Variants in CRTC3 observed in about 807,000 individuals in gnomAD.
CRTC3 encodes CREB-regulated transcription coactivator 3.
Under a neutral mutation model 74.5 loss-of-function variants are expected in CRTC3, and 26 were observed. The ratio of observed to expected loss-of-function variants is 0.35; its 90% CI spans 0.26 to 0.48. The LOEUF (loss-of-function observed/expected upper bound fraction) is 0.48, where lower values mean the gene tolerates loss of function less well. CRTC3 is among the 20% of genes least tolerant of loss of function. The pLI is 0.99. For missense variants in CRTC3, 760 were observed against 787.3 expected (o/e 0.97, Z 0.41); for synonymous variants, 377 against 325.8 (o/e 1.16, Z -1.69).
At chr15:90,583,531 AAAAC>A (rs1967590862) in intron 2 of CRTC3, among the ~76,000 whole-genome samples, 2 of 152,216 alleles carry the variant, frequency 1.3e-5, no homozygotes, top group Admixed American at 1.3e-4. Flanking sequence ...CTCCAGGTTA[AAAAC>A]AAACAAAAAA....
chr15:90,539,632 G>T (rs1215149252), intron 1 of CRTC3: 1 of 247,810 alleles, frequency 4.0e-6, no homozygotes, highest in Non-Finnish European at 7.8e-6. Context: ...TCACAGCTAT[G>T]CAGTTCTTAC....
rs758447199 is a variant in CRTC3 at position 90,625,729 on chromosome 15, C to G, written c.750-47C>G. 10 of 1,545,780 alleles carry G rather than the reference C, an allele frequency of 6.5e-6. No individual in the cohort carries two copies. In the East Asian group the frequency reaches 2.0e-4, roughly 31 times the overall value. ...GTTTCAGCCATGTTTGGTTTCCCAACAGCCAAATACATTGTAGAAAGTCAT... is the reference window on the plus strand; with the variant it reads ...GTTTCAGCCATGTTTGGTTTCCCAAGAGCCAAATACATTGTAGAAAGTCAT... On this transcript the variant is annotated intron_variant, in intron 9 of 14. Coordinates refer to ENST00000268184, the MANE Select transcript of CRTC3 (RefSeq NM_022769.5).
chr15:90,635,360 T>C (rs1271540194), intron 11 of CRTC3, among the ~76,000 whole-genome samples: 1 of 152,026 alleles, frequency 6.6e-6, no homozygotes, highest in African/African-American at 2.4e-5. Flanking sequence ...TACATTCTTC[T>C]CTGGCCAGGC....
At chr15:90,618,971 G>A (rs936099441) in intron 8 of CRTC3, among the ~76,000 whole-genome samples, 2 of 152,080 alleles carry the variant, frequency 1.3e-5, no homozygotes, top group African/African-American at 4.8e-5. Flanking sequence ...ACCAGGGACT[G>A]GTCTCTGGAA....
chr15:90,605,798 A>G lies in CRTC3; in HGVS notation c.476+1351A>G, dbSNP rs763789371. The stretch of plus-strand genomic sequence containing the variant: ...GTAGGCTAATGAAGTTGCTTACCGT[A>G]AAGTCCTTTCTATGGCCGACAGTTT... On this transcript the variant is annotated intron_variant, in intron 5 of 14. Transcript: ENST00000268184. Among the ~76,000 whole-genome samples the G allele has an allele frequency of 5.3e-5, 8 of 152,260 alleles. No homozygotes were observed. In the South Asian group the frequency reaches 1.0e-3, roughly 20 times the overall value.
intron 14 of CRTC3, 110 bp downstream of exon 14, chr15:90,641,309 G>A (rs954997122): frequency 2.2e-5 from 17 of 767,212 alleles, no homozygotes; most frequent in African/African-American, 3.5e-5. Flanking sequence ...AAAAGTTAAC[G>A]TTCCCTGGGT....
intron 2 of CRTC3, among the ~76,000 whole-genome samples, chr15:90,547,816 C>A (rs1010084536): frequency 3.3e-5 from 5 of 151,298 alleles, no homozygotes; most frequent in African/African-American, 1.2e-4. Flanking sequence ...GCTTGTCAGG[C>A]AGCTGTAGAG....
At chr15:90,571,140 T>C (rs1367372474) in intron 2 of CRTC3, among the ~76,000 whole-genome samples, 1 of 152,222 alleles carries the variant, frequency 6.6e-6, no homozygotes, top group Admixed American at 6.5e-5. Context: ...ATGCTGGAGA[T>C]ACAATGACCC....
chr15:90,564,538 A>G (rs148044220), intron 2 of CRTC3, among the ~76,000 whole-genome samples: 8 of 152,232 alleles, frequency 5.3e-5, no homozygotes, highest in Non-Finnish European at 8.8e-5. Flanking sequence ...GCCATCCAGT[A>G]AAGGCTACAA....
intron 2 of CRTC3, among the ~76,000 whole-genome samples, chr15:90,551,237 A>G (rs899990929): frequency 4.6e-5 from 7 of 152,204 alleles, no homozygotes; most frequent in Admixed American, 2.0e-4. Flanking sequence ...TCTGGAAACT[A>G]AAGTACTAAG....
chr15:90,575,229 C>T (rs563316605), intron 2 of CRTC3, among the ~76,000 whole-genome samples: 14 of 152,104 alleles, frequency 9.2e-5, no homozygotes, highest in Admixed American at 2.6e-4. Context: ...CAGGTGCCTG[C>T]AATTCCAGCT....
intron 6 of CRTC3, among the ~76,000 whole-genome samples, chr15:90,613,009 G>A (rs117670291): frequency 0.013 from 1,961 of 152,102 alleles, 32 homozygotes; most frequent in Middle Eastern, 0.024. Flanking sequence ...GACCAGCCTG[G>A]CCATCATGGT....
At chr15:90,596,291 G>C (rs1967924876) in intron 3 of CRTC3, 1 of 152,212 alleles carries the variant, frequency 6.6e-6, no homozygotes, top group South Asian at 2.1e-4. Context: ...CAGTTGGGAG[G>C]TATGTTCCAG....
In CRTC3 at chr15:90,530,452, A is replaced by AG. The variant is rs1381764053; in HGVS notation, c.132+253dup. Reference sequence around the variant, plus strand: ...CGGCCCCGTGTGCGGGAAGATGGGCAGGGGTGAAGCCCGTGGAGGCGGGCG... The same window carrying AG: ...CGGCCCCGTGTGCGGGAAGATGGGCAGGGGGTGAAGCCCGTGGAGGCGGGCG... On this transcript the variant is annotated intron_variant, in intron 1 of 14. Transcript: ENST00000268184. This position sits in a 1 kb window ranked among gnomAD's most constrained non-coding sequence, Gnocchi z 6.2. 1 of 154,466 alleles carries AG rather than the reference A, an allele frequency of 6.5e-6. No individual in the cohort carries two copies. Among genetic ancestry groups the AG allele is most frequent in the African/African-American group, 2.4e-5 (1 of 41,412 alleles). The allele number at this position is 154,466 out of a possible 1,614,324, so 9.6% of individuals were successfully genotyped here. A position where few individuals can be genotyped will look rare whatever the true frequency, so the allele number is the denominator to read the frequency against.
At chr15:90,614,642 A>G (rs1203064493) in intron 7 of CRTC3, 154 bp downstream of exon 7, 2 of 570,010 alleles carry the variant, frequency 3.5e-6, no homozygotes, top group Non-Finnish European at 6.3e-6. Context: ...CCTCTAGAAA[A>G]TTAAGGCTAG....
intron 2 of CRTC3, among the ~76,000 whole-genome samples, chr15:90,581,258 G>A (rs1967534231): frequency 6.6e-6 from 1 of 152,222 alleles, no homozygotes; most frequent in South Asian, 2.1e-4. Flanking sequence ...TGAGCTAGTG[G>A]CCAGATGAGG....
At chr15:90,635,582 T>C (rs1185038193) in intron 11 of CRTC3, among the ~76,000 whole-genome samples, 5 of 151,976 alleles carry the variant, frequency 3.3e-5, no homozygotes, top group Admixed American at 1.3e-4. Context: ...GAGGTGGAGG[T>C]TGCAGTGAGC....
chr15:90,583,877 G>T (rs1324086179), intron 2 of CRTC3, among the ~76,000 whole-genome samples: 1 of 152,038 alleles, frequency 6.6e-6, no homozygotes, highest in Non-Finnish European at 1.5e-5. Flanking sequence ...TTATAATAGG[G>T]TATTTAACCA....
intron 2 of CRTC3, among the ~76,000 whole-genome samples, chr15:90,590,857 A>G (rs1474528105): frequency 6.6e-6 from 1 of 152,264 alleles, no homozygotes; most frequent in African/African-American, 2.4e-5. Context: ...AGCAGAGATT[A>G]ACACCCCACA....
Sources: gnomAD v4.1 joint callset for allele counts (sites outside exome capture counted in the v4.1 genomes callset) on GRCh38, gnomAD v4.1.1 for gene constraint, Gnocchi (gnomAD v3.1) non-coding constraint, MANE v1.5 for transcripts, NCBI Gene and HGNC (gene_info 2026-07-23, HGNC 2026-07-21) for gene names.